Variants in CCDC146 observed in about 807,000 individuals in gnomAD.
CCDC146 encodes the protein coiled-coil domain containing 146, also known as coiled-coil domain-containing protein 146.
Under a neutral mutation model 119.3 loss-of-function variants are expected in CCDC146, and 92 were observed. The ratio of observed to expected loss-of-function variants is 0.77; its 90% CI spans 0.65 to 0.92. The LOEUF (loss-of-function observed/expected upper bound fraction) is 0.92. CCDC146 is among the 40% of genes least tolerant of loss of function. CCDC146 has a pLI of 0.00. For missense variants in CCDC146, 1,000 were observed against 1,103.0 expected, an observed-to-expected ratio of 0.91 and a Z score of 1.32; for synonymous variants, 372 against 371.8, an observed-to-expected ratio of 1.00 and a Z score of -0.01.
intron 2 of CCDC146, among the ~76,000 whole-genome samples, chr7:77,220,001 A>C (rs1016874022): frequency 6.6e-6 from 1 of 152,342 alleles, no homozygotes; most frequent in African/African-American, 2.4e-5. Context: ...ACACATTGTC[A>C]TTGATAAACA....
chr7:77,234,261 T>TA (rs1792691794), intron 2 of CCDC146, among the ~76,000 whole-genome samples: 1 of 151,988 alleles, frequency 6.6e-6, no homozygotes, highest in Non-Finnish European at 1.5e-5. Context: ...GCTTTTTTTT[T>TA]TTTTAACTTA....
chr7:77,237,085 T>C (rs575444307), intron 3 of CCDC146, 56 bp downstream of exon 3: 3 of 1,365,990 alleles, frequency 2.2e-6, no homozygotes, highest in South Asian at 2.4e-5. Flanking sequence ...TTCTTACTGG[T>C]GATGAGACCT....
chr7:77,133,346 TTTG>T (rs150341544), intron 1 of CCDC146, among the ~76,000 whole-genome samples: 396 of 152,032 alleles, frequency 2.6e-3, no homozygotes, highest in African/African-American at 8.8e-3. Context: ...TGGAACAACT[TTTG>T]TTGTTGTTGT....
intron 6 of CCDC146, 151 bp from the exon 7 acceptor site, chr7:77,258,844 C>T (rs999606667): frequency 8.5e-5 from 52 of 611,290 alleles, no homozygotes; most frequent in African/African-American, 7.5e-5. Flanking sequence ...ACAAGGTCAC[C>T]GTGAGTATTA....
chr7:77,171,948 T>C (rs969572955), intron 2 of CCDC146, among the ~76,000 whole-genome samples: 47 of 152,252 alleles, frequency 3.1e-4, no homozygotes, highest in African/African-American at 1.1e-3. Context: ...AATCTCTCAA[T>C]ATACATGGAT....
chr7:77,294,907 A>G lies in CCDC146; in HGVS notation c.*41A>G. On this transcript the variant is annotated 3_prime_UTR_variant, in exon 19 of 19. Transcript: ENST00000285871. ...CAGGCCTCTCAAGGAAAAGACTTCA[A>G]CCAGGCTTCCTTGTACCCACAGGTG... 2 of 1,543,978 alleles carry G rather than the reference A, an allele frequency of 1.3e-6. No homozygotes were observed. The highest frequency in any genetic ancestry group is 1.1e-5 in the South Asian group (1 of 88,050).
intron 2 of CCDC146, among the ~76,000 whole-genome samples, chr7:77,227,219 T>G (rs1373864650): frequency 6.6e-6 from 1 of 152,244 alleles, no homozygotes; most frequent in Non-Finnish European, 1.5e-5. Context: ...AAAGGAAACC[T>G]CTGTAGTTTT....
At chr7:77,271,479 T>TTA (rs1554360490) in intron 9 of CCDC146, among the ~76,000 whole-genome samples, 6 of 73,820 alleles carry the variant, frequency 8.1e-5, no homozygotes, top group South Asian at 5.1e-4. Flanking sequence ...CCTTTTTATT[T>TTA]TATATATATA....
At chr7:77,146,726 T>C (rs916342304) in intron 1 of CCDC146, among the ~76,000 whole-genome samples, 12 of 152,226 alleles carry the variant, frequency 7.9e-5, no homozygotes, top group Non-Finnish European at 1.6e-4. Flanking sequence ...TTAAGAATGT[T>C]GAATATTGGC....
intron 2 of CCDC146, among the ~76,000 whole-genome samples, chr7:77,220,514 A>C (rs1336025905): frequency 1.3e-5 from 2 of 152,202 alleles, no homozygotes; most frequent in African/African-American, 4.8e-5. Flanking sequence ...AGGCATAGGA[A>C]ATTATAAGAG....
At chr7:77,268,492 C>T (rs1457137044) in intron 9 of CCDC146, among the ~76,000 whole-genome samples, 1 of 152,182 alleles carries the variant, frequency 6.6e-6, no homozygotes, top group Non-Finnish European at 1.5e-5. Flanking sequence ...GTGCTTACTG[C>T]ACTGCTCTCA....
At chr7:77,253,703 C>G (rs1793122715) in intron 4 of CCDC146, among the ~76,000 whole-genome samples, 1 of 152,130 alleles carries the variant, frequency 6.6e-6, no homozygotes, top group Non-Finnish European at 1.5e-5. Flanking sequence ...ATGATGAATA[C>G]TGTATAGAAA....
chr7:77,257,176 A>G (rs191697513), intron 6 of CCDC146: 6 of 152,192 alleles, frequency 3.9e-5, no homozygotes, highest in African/African-American at 1.4e-4. Context: ...CAAATGTCCT[A>G]ACCTCTCACA....
chr7:77,221,475 G>A (rs1393774787), intron 2 of CCDC146, among the ~76,000 whole-genome samples: 1 of 152,142 alleles, frequency 6.6e-6, no homozygotes, highest in Non-Finnish European at 1.5e-5. Context: ...GCTGGTGTTA[G>A]TTCTATGAGT....
chr7:77,201,916 A>T (rs982383609), intron 2 of CCDC146, among the ~76,000 whole-genome samples: 3 of 125,808 alleles, frequency 2.4e-5, no homozygotes, highest in African/African-American at 1.4e-4. Flanking sequence ...AACATAGATA[A>T]AAAAAAAAAC....
At chr7:77,245,072 T>A (rs1001503307) in intron 4 of CCDC146, among the ~76,000 whole-genome samples, 3 of 152,134 alleles carry the variant, frequency 2.0e-5, no homozygotes, top group African/African-American at 7.3e-5. Context: ...ATTTTGTCAA[T>A]TTTTTTGTGT....
intron 1 of CCDC146, among the ~76,000 whole-genome samples, chr7:77,157,321 G>C (rs1323149428): frequency 7.4e-6 from 1 of 135,582 alleles, no homozygotes; most frequent in Non-Finnish European, 1.6e-5. Context: ...TTGAAAGACC[G>C]TGTGGTTTTC....
At chr7:77,161,827 C>T (rs933463548) in intron 1 of CCDC146, among the ~76,000 whole-genome samples, 4 of 151,720 alleles carry the variant, frequency 2.6e-5, no homozygotes, top group Non-Finnish European at 5.9e-5. Flanking sequence ...TTTGTTTTTT[C>T]AATCATAGCC....
chr7:77,290,078 C>G (rs918230919), intron 17 of CCDC146, among the ~76,000 whole-genome samples: 1 of 152,070 alleles, frequency 6.6e-6, no homozygotes, highest in African/African-American at 2.4e-5. Flanking sequence ...AGGATGAGTT[C>G]ATGTCCTTTG....
Sources: gnomAD v4.1 joint callset for allele counts (sites outside exome capture counted in the v4.1 genomes callset) on GRCh38, gnomAD v4.1.1 for gene constraint, MANE v1.5 for transcripts, NCBI Gene and HGNC (gene_info 2026-07-23, HGNC 2026-07-21) for gene names.